The following ZMYM4 variants were observed in gnomAD, a reference collection of about 807,000 sequenced individuals.
ZMYM4 encodes zinc finger MYM-type containing 4.
In ZMYM4, 31 loss-of-function variants were observed where a neutral mutation model predicts 183.2. That is an observed-to-expected ratio of 0.17 (90% confidence interval 0.13 to 0.23). The LOEUF is 0.23. Ranked by LOEUF, ZMYM4 falls within the 10% of genes least tolerant of loss-of-function variation. ZMYM4 has a pLI of 1.00. For synonymous variants in ZMYM4, 592 were observed against 631.2 expected (o/e 0.94, Z 0.93); for missense variants, 1,273 against 1,840.3 (o/e 0.69, Z 5.64).
Position 35,350,295 on chromosome 1 carries a change from CT to C in ZMYM4, c.86-8619del, listed in dbSNP as rs150946737. On this transcript the variant is annotated intron_variant, in intron 2 of 29. Coordinates refer to ENST00000314607, the MANE Select transcript of ZMYM4 (RefSeq NM_005095.3). Reference sequence around the variant, plus strand: ...ACCATGATTTCTAAAGTTGAAATTACTTTTTTTTTTTGAGACAGAGTCTTGC... The same window carrying C: ...ACCATGATTTCTAAAGTTGAAATTACTTTTTTTTTTGAGACAGAGTCTTGC... Among the ~76,000 whole-genome samples the C allele has an allele frequency of 6.3e-4, 90 of 143,188 alleles. 1 individual carries two copies. In the South Asian group the frequency reaches 6.3e-3, roughly 10 times the overall value. 93.9% of individuals were successfully genotyped at this position (143,188 alleles called of 152,430 possible). A position where few individuals can be genotyped will look rare whatever the true frequency, so the allele number is the denominator to read the frequency against.
chr1:35,370,126 C>T lies in ZMYM4; in HGVS notation c.925+13C>T. On this transcript the variant is annotated intron_variant, in intron 6 of 29. Coordinates refer to ENST00000314607, the MANE Select transcript of ZMYM4 (RefSeq NM_005095.3). ...GGCAGCCCTCTTGGTAAGAAACAGA[C>T]CTGAATAAATGGATTGTGTATGTTC... 6.2e-7 allele frequency: 1 copy of T among 1,610,880 alleles called. No individual in the cohort carries two copies. The highest frequency in any genetic ancestry group is 1.1e-5 in the South Asian group (1 of 90,840).
At chr1:35,378,148 G>A (rs1644374473) in intron 7 of ZMYM4, among the ~76,000 whole-genome samples, 1 of 152,036 alleles carries the variant, frequency 6.6e-6, no homozygotes, top group Admixed American at 6.6e-5. Flanking sequence ...GCATCTTCAG[G>A]CTCCACTTCT....
At chr1:35,332,593 GCCTT>G (rs1192873985) in intron 2 of ZMYM4, among the ~76,000 whole-genome samples, 1 of 152,016 alleles carries the variant, frequency 6.6e-6, no homozygotes, top group African/African-American at 2.4e-5. Flanking sequence ...CTGTTACCTT[GCCTT>G]CCTCATAGTG....
chr1:35,305,094 T>A (rs1305455394), intron 1 of ZMYM4, among the ~76,000 whole-genome samples: 1 of 152,196 alleles, frequency 6.6e-6, no homozygotes, highest in Non-Finnish European at 1.5e-5. Context: ...TCCATCCGCC[T>A]TGGCCTCCCA....
Position 35,389,838 on chromosome 1 carries a change from T to C in ZMYM4, c.2437-110T>C, listed in dbSNP as rs1237123151. 1 of 1,065,802 alleles carries C rather than the reference T, an allele frequency of 9.4e-7. No individual in the cohort carries two copies. The highest frequency in any genetic ancestry group is 1.3e-6 in the Non-Finnish European group (1 of 747,888). 66.0% of individuals were successfully genotyped at this position (1,065,802 alleles called of 1,614,324 possible). A position where few individuals can be genotyped will look rare whatever the true frequency, so the allele number is the denominator to read the frequency against. On this transcript the variant is annotated intron_variant, in intron 14 of 29. Coordinates refer to ENST00000314607, the MANE Select transcript of ZMYM4 (RefSeq NM_005095.3). This position sits in a 1 kb window ranked among gnomAD's most constrained non-coding sequence, Gnocchi z 4.0. ...TCATTGATAAAGACAAACTAATTTTTTGATCTAAATTCTAAGTTAATTTCG... is the reference window on the plus strand; with the variant it reads ...TCATTGATAAAGACAAACTAATTTTCTGATCTAAATTCTAAGTTAATTTCG...
intron 11 of ZMYM4, among the ~76,000 whole-genome samples, chr1:35,386,615 A>G (rs1412399670): frequency 6.6e-6 from 1 of 152,148 alleles, no homozygotes; most frequent in Non-Finnish European, 1.5e-5. Context: ...CCTATCACCT[A>G]CTATAGTAAT....
At chr1:35,299,858 C>T (rs1641196351) in intron 1 of ZMYM4, among the ~76,000 whole-genome samples, 1 of 151,544 alleles carries the variant, frequency 6.6e-6, no homozygotes, top group Admixed American at 6.6e-5. Context: ...GCAATGGTGC[C>T]ATCTCGGCTC....
At chr1:35,360,571 A>G (rs1362763437) in intron 3 of ZMYM4, among the ~76,000 whole-genome samples, 1 of 152,098 alleles carries the variant, frequency 6.6e-6, no homozygotes, top group Non-Finnish European at 1.5e-5. Context: ...TTCTTGGGGT[A>G]TGAGAGTCAT....
At chr1:35,412,934 T>G (rs989166948) in intron 26 of ZMYM4, among the ~76,000 whole-genome samples, 1 of 152,124 alleles carries the variant, frequency 6.6e-6, no homozygotes, top group African/African-American at 2.4e-5. Context: ...TTAAAAATAC[T>G]AAACCTTAAA....
intron 2 of ZMYM4, among the ~76,000 whole-genome samples, chr1:35,346,671 GAA>G (rs1229956274): frequency 8.7e-6 from 1 of 115,434 alleles, no homozygotes; most frequent in Admixed American, 8.8e-5. Context: ...AAAAAAAAAA[GAA>G]AAAAAAAAGA....
At chr1:35,361,853 G>C in intron 5 of ZMYM4, 64 bp downstream of exon 5, 1 of 1,547,744 alleles carries the variant, frequency 6.5e-7, no homozygotes, top group Non-Finnish European at 8.7e-7. Flanking sequence ...TCATTTGAGA[G>C]AGGAAGTGCT....
chr1:35,394,524 G>T (rs1298341242), intron 18 of ZMYM4, among the ~76,000 whole-genome samples: 2 of 152,048 alleles, frequency 1.3e-5, no homozygotes, highest in African/African-American at 4.8e-5. Context: ...ACTTGATTGG[G>T]AGCTGAGTGG....
chr1:35,269,446 G>A (rs1210002694), intron 1 of ZMYM4, among the ~76,000 whole-genome samples: 1 of 152,076 alleles, frequency 6.6e-6, no homozygotes, highest in African/African-American at 2.4e-5. Context: ...GGAGAGGTCA[G>A]GTGGGGGTGG....
In ZMYM4 at chr1:35,397,433, G is replaced by A. The variant is rs1420930562; in HGVS notation, c.3087G>A (p.Glu1029=). 2 of 1,612,226 alleles carry A rather than the reference G, an allele frequency of 1.2e-6. No individual in the cohort carries two copies. The highest frequency in any genetic ancestry group is 1.7e-6 in the Non-Finnish European group (2 of 1,179,168). Residue 1029 remains glutamate (E), a synonymous_variant, in exon 20 of 30, where the codon GAG becomes GAA. Transcript: ENST00000314607. ...TGGATAGTGAAGATAAAGTCACAGA[G>A]AGTATTGAAGACATTAAAGAAAAGC... ...SSMDSEDKVT[E]SIEDIKEKLP...
chr1:35,354,727 T>TAA (rs57493035), intron 2 of ZMYM4, among the ~76,000 whole-genome samples: 1,256 of 83,974 alleles, frequency 0.015, 78 homozygotes, highest in African/African-American at 0.057. Flanking sequence ...ACTTTGTCTT[T>TAA]AAAAAAAAAA....
rs899610432 is a variant in ZMYM4, at chr1:35,269,000, C to T, written c.-47C>T. 1.4e-5 allele frequency: 21 copies of T among 1,517,312 alleles called. No homozygotes were observed. Among genetic ancestry groups the T allele is most frequent in the Admixed American group, 2.1e-5 (1 of 48,004 alleles). 94.0% of individuals were successfully genotyped at this position (1,517,312 alleles called of 1,614,324 possible). ...CGGGGGCCGGGGGGCCGAGAGGTAC[C>T]GCCGCCACCGCGCGGGGAGCCGCAG... On this transcript the variant is annotated 5_prime_UTR_variant, in exon 1 of 30. Transcript: ENST00000314607.
chr1:35,319,284 C>T (rs967791937), intron 1 of ZMYM4, among the ~76,000 whole-genome samples: 5 of 152,154 alleles, frequency 3.3e-5, no homozygotes, highest in African/African-American at 1.2e-4. Context: ...ATGGTTTCAG[C>T]TTGCATAGTC....
intron 3 of ZMYM4, among the ~76,000 whole-genome samples, chr1:35,360,617 G>A (rs1643914528): frequency 6.6e-6 from 1 of 152,034 alleles, no homozygotes; most frequent in Admixed American, 6.6e-5. Flanking sequence ...TAGTAGAATG[G>A]ACAAGACAAG....
chr1:35,319,173 C>T (rs1017057529), intron 1 of ZMYM4, among the ~76,000 whole-genome samples: 3 of 152,168 alleles, frequency 2.0e-5, no homozygotes, highest in African/African-American at 7.2e-5. Flanking sequence ...AGCCACCGTG[C>T]CTGGCCAAAC....
Sources: allele counts gnomAD v4.1 joint callset (sites outside exome capture counted in the v4.1 genomes callset), GRCh38; gene constraint gnomAD v4.1.1; non-coding constraint Gnocchi (gnomAD v3.1); transcripts MANE v1.5; gene names NCBI Gene and HGNC (gene_info 2026-07-23, HGNC 2026-07-21).